Variants in PRKAR1A observed in about 807,000 individuals in gnomAD.
The protein encoded by PRKAR1A is protein kinase cAMP-dependent type I regulatory subunit alpha, also known as cAMP-dependent protein kinase type I-alpha regulatory subunit.
PRKAR1A carries 3 observed loss-of-function variants against 52.0 expected under a neutral mutation model. That is an observed-to-expected ratio of 0.06 (90% CI 0.03 to 0.15). The LOEUF is 0.15. Ranked by LOEUF, PRKAR1A falls within the 10% of genes least tolerant of loss-of-function variation. The pLI is 1.00. For missense variants in PRKAR1A, 240 were observed against 477.4 expected (o/e 0.50, Z 4.63); for synonymous variants, 188 against 168.4 (o/e 1.12, Z -0.90).
At chr17:68,460,098 C>T in the PRKAR1A span, among the ~76,000 whole-genome samples, 5 of 152,322 alleles carry the variant, frequency 3.3e-5, no homozygotes, top group East Asian at 1.9e-4. Flanking sequence ...GGATTACAGG[C>T]GTGAGCCACC....
At chr17:68,498,849 G>T in the PRKAR1A span, among the ~76,000 whole-genome samples, 1 of 152,154 alleles carries the variant, frequency 6.6e-6, no homozygotes, top group African/African-American at 2.4e-5. Context: ...TAAAGTACAG[G>T]CCAATCAGAT....
At chr17:68,542,962 C>G (rs981952523) in intron 11 of PRKAR1A, among the ~76,000 whole-genome samples, 1 of 152,042 alleles carries the variant, frequency 6.6e-6, no homozygotes, top group African/African-American at 2.4e-5. Context: ...CTGGTAGTGC[C>G]CAGGTCAACA....
At chr17:68,429,991 C>T in the PRKAR1A span, 10 of 1,613,850 alleles carry the variant, frequency 6.2e-6, no homozygotes, top group Admixed American at 1.7e-5. Flanking sequence ...TGTCATTGTA[C>T]GTACGTTGAG....
At chr17:68,539,750 G>A (rs1452701334) in intron 11 of PRKAR1A, 2 of 801,118 alleles carry the variant, frequency 2.5e-6, no homozygotes, top group East Asian at 5.3e-5. Flanking sequence ...AATGGAAGAA[G>A]CCGGGCTCGA....
chr17:68,521,457 C>G (rs919343023), intron 2 of PRKAR1A, among the ~76,000 whole-genome samples: 1 of 152,166 alleles, frequency 6.6e-6, no homozygotes, highest in African/African-American at 2.4e-5. Flanking sequence ...TCTCGAACTC[C>G]TGGACTCAAG....
chr17:68,514,599 T>G (rs1278495360), intron 1 of PRKAR1A, among the ~76,000 whole-genome samples: 1 of 152,246 alleles, frequency 6.6e-6, no homozygotes, highest in Non-Finnish European at 1.5e-5. Flanking sequence ...ATTTATCTAT[T>G]GAATCTTCAT....
chr17:68,473,977 T>A, the PRKAR1A span, among the ~76,000 whole-genome samples: 1 of 152,048 alleles, frequency 6.6e-6, no homozygotes, highest in Non-Finnish European at 1.5e-5. Context: ...TGCCATTGTT[T>A]GGCTTTTTAA....
chr17:68,444,514 C>T, the PRKAR1A span: 7 of 1,613,982 alleles, frequency 4.3e-6, no homozygotes, highest in South Asian at 7.7e-5. Flanking sequence ...GCAGGAATAT[C>T]CAGGAGGGTC....
chr17:68,419,785 C>T, the PRKAR1A span, among the ~76,000 whole-genome samples: 1 of 143,406 alleles, frequency 7.0e-6, no homozygotes, highest in Non-Finnish European at 1.5e-5. Flanking sequence ...CATAGCGGGA[C>T]CCTGTCTCTG....
At chr17:68,432,391 T>G in the PRKAR1A span, among the ~76,000 whole-genome samples, 67 of 152,232 alleles carry the variant, frequency 4.4e-4, no homozygotes, top group African/African-American at 1.4e-3. Flanking sequence ...CAGAGAAATC[T>G]TGGCACCTCT....
chr17:68,475,791 G>A, the PRKAR1A span, among the ~76,000 whole-genome samples: 5 of 152,118 alleles, frequency 3.3e-5, no homozygotes, highest in East Asian at 1.9e-4. Flanking sequence ...CAGACTTTTC[G>A]TTGTATCTCA....
intron 11 of PRKAR1A, chr17:68,542,217 G>C: frequency 6.3e-7 from 1 of 1,595,020 alleles, no homozygotes; most frequent in South Asian, 1.1e-5. Context: ...CTGGAGGCAT[G>C]ACATCTTCCT....
chr17:68,466,705 C>A, the PRKAR1A span, among the ~76,000 whole-genome samples: 1 of 152,012 alleles, frequency 6.6e-6, no homozygotes, highest in Non-Finnish European at 1.5e-5. Flanking sequence ...AGTCACCGTG[C>A]CCAACCATGT....
At chr17:68,529,199 T>G (rs2085887548) in intron 9 of PRKAR1A, among the ~76,000 whole-genome samples, 2 of 152,206 alleles carry the variant, frequency 1.3e-5, no homozygotes, top group African/African-American at 4.8e-5. Flanking sequence ...ACTATATTTT[T>G]AAATGAGTTT....
chr17:68,540,929 G>A (rs577250712), intron 11 of PRKAR1A: 3 of 1,599,052 alleles, frequency 1.9e-6, no homozygotes, highest in Non-Finnish European at 2.6e-6. Flanking sequence ...CTGTTTCACT[G>A]TGTCACAGTA....
chr17:68,541,878 A>T, intron 11 of PRKAR1A: 1 of 1,350,464 alleles, frequency 7.4e-7, no homozygotes, highest in Non-Finnish European at 1.0e-6. Context: ...GCAAAGGAGT[A>T]TTGAGGCAGC....
chr17:68,520,986 G>A (rs1040629733), intron 2 of PRKAR1A, among the ~76,000 whole-genome samples: 4 of 152,110 alleles, frequency 2.6e-5, no homozygotes, highest in African/African-American at 4.8e-5. Flanking sequence ...CTGTCACCCA[G>A]GCTGGACTGC....
the PRKAR1A span, among the ~76,000 whole-genome samples, chr17:68,466,407 CTCTT>C: frequency 2.8e-5 from 4 of 140,626 alleles, no homozygotes; most frequent in Non-Finnish European, 6.0e-5. Context: ...TGTTTTCTCT[CTCTT>C]TTTTTTTTTT....
chr17:68,436,726 C>T, the PRKAR1A span, among the ~76,000 whole-genome samples: 14 of 152,162 alleles, frequency 9.2e-5, no homozygotes, highest in African/African-American at 2.9e-4. Flanking sequence ...TGAGACTTGC[C>T]GGGCACAGTG....
Sources: gnomAD v4.1 joint callset for allele counts (sites outside exome capture counted in the v4.1 genomes callset) on GRCh38, gnomAD v4.1.1 for gene constraint, MANE v1.5 for transcripts, NCBI Gene and HGNC (gene_info 2026-07-23, HGNC 2026-07-21) for gene names.